SLC38A9: variants seen among roughly 807,000 people sequenced by gnomAD.
The protein encoded by SLC38A9 is neutral amino acid transporter 9.
SLC38A9 carries 48 observed loss-of-function variants against 62.3 expected under a neutral mutation model. The observed-to-expected ratio is 0.77, with a 90% CI of 0.61 to 0.98. The LOEUF (loss-of-function observed/expected upper bound fraction) is 0.98, where lower values mean the gene tolerates loss of function less well. Among genes scored for constraint, SLC38A9 ranks in the 50% least tolerant of loss-of-function variants. The probability of loss-of-function intolerance (pLI) is 0.00; values close to 1 mark genes in which losing one functional copy is unlikely to be tolerated. For missense variants in SLC38A9, 541 were observed against 679.8 expected (o/e 0.80, Z 2.27); for synonymous variants, 204 against 227.7 (o/e 0.90, Z 0.94).
At chr5:55,659,889 C>T (rs972413521) in intron 8 of SLC38A9, among the ~76,000 whole-genome samples, 9 of 151,718 alleles carry the variant, frequency 5.9e-5, no homozygotes, top group Non-Finnish European at 1.3e-4. Context: ...CGTCAGCCTC[C>T]CAAGTAGCTG....
At position 55,661,152 on chromosome 5, in the gene SLC38A9, C is replaced by T. The variant is rs568345812; in HGVS notation, c.697+3541G>A. On this transcript the variant is annotated intron_variant, in intron 8 of 15. Coordinates refer to ENST00000396865, the MANE Select transcript of SLC38A9 (RefSeq NM_173514.4). ...CATGCCAAAGTCATGAGTAGGAAGA[C>T]TCAGTATCTAGGCCGAGCGCAGTGG... Among the ~76,000 whole-genome samples, 6 of 152,100 alleles carry T rather than the reference C, an allele frequency of 3.9e-5. No homozygotes were observed. The South Asian group carries it at 1.0e-3, about 26-fold the overall frequency.
chr5:55,630,463 G>A (rs933378902), intron 14 of SLC38A9, among the ~76,000 whole-genome samples: 3 of 151,954 alleles, frequency 2.0e-5, no homozygotes, highest in African/African-American at 7.3e-5. Flanking sequence ...GATTACAAGC[G>A]CCTGCCACTA....
At chr5:55,647,625 C>G (rs1174063128) in intron 11 of SLC38A9, among the ~76,000 whole-genome samples, 1 of 152,164 alleles carries the variant, frequency 6.6e-6, no homozygotes, top group African/African-American at 2.4e-5. Context: ...TTAAGATACC[C>G]TGTAAAGCAA....
At chr5:55,669,962 T>C in intron 4 of SLC38A9, 83 bp from the exon 5 acceptor site, 1 of 1,316,870 alleles carries the variant, frequency 7.6e-7, no homozygotes, top group South Asian at 1.6e-5. Context: ...CACCTGACTC[T>C]AGACACCTTT....
intron 3 of SLC38A9, among the ~76,000 whole-genome samples, chr5:55,694,444 G>C (rs1361392049): frequency 6.6e-6 from 1 of 151,980 alleles, no homozygotes; most frequent in Non-Finnish European, 1.5e-5. Context: ...ATCTTTTCAG[G>C]AAATGTTACA....
At chr5:55,632,784 T>A (rs552342483) in intron 14 of SLC38A9, among the ~76,000 whole-genome samples, 327 of 152,104 alleles carry the variant, frequency 2.1e-3, no homozygotes, top group African/African-American at 7.4e-3. Flanking sequence ...CCAGAGAGGG[T>A]CCTGCCCCAG....
Position 55,635,608 on chromosome 5 carries a change from T to C in SLC38A9, c.1217A>G (p.Tyr406Cys). 1.9e-6 allele frequency: 3 copies of C among 1,613,882 alleles called. No individual in the cohort carries two copies. The highest frequency in any genetic ancestry group is 2.7e-5 in the African/African-American group (2 of 75,024). The stretch of plus-strand genomic sequence containing the variant: ...TGAAGCAAAAACCAGGACTCCAATA[T>C]AGAGATAAGTTAATGTCACCAGCAT... ...AYMLVTLTYL[Y>C]IGVLVFASFP... Residue 406 changes from tyrosine (Y) to cysteine (C), a missense_variant, in exon 13 of 16, where the codon TAT becomes TGT. By Grantham distance (194) the Tyr-to-Cys change is radical. Transcript: ENST00000396865.
chr5:55,669,811 A>G lies in SLC38A9; in HGVS notation c.315T>C (p.Tyr105=). ...CYVYSPLGSA[Y]KLQSYTEGYG... is the part of the protein sequence containing the mutation. ...ATCCTTCAGTGTAACTTTGAAGTTT[A>G]TAAGCAGAGCCCAATGGACTATACA... The change falls in exon 5 of 16, where the codon TAT becomes TAC. Residue 105 remains tyrosine (Y), a synonymous_variant. Transcript: ENST00000396865. 1.2e-6 allele frequency: 2 copies of G among 1,614,034 alleles called. No individual in the cohort carries two copies. The highest frequency in any genetic ancestry group is 2.7e-5 in the African/African-American group (2 of 75,052).
chr5:55,627,852 C>A, intron 15 of SLC38A9, 39 bp downstream of exon 15: 5 of 1,237,912 alleles, frequency 4.0e-6, no homozygotes, highest in South Asian at 4.0e-5. Context: ...AAATAAAGAC[C>A]AATATATGTA....
chr5:55,651,276 A>C (rs1203093411), intron 10 of SLC38A9, among the ~76,000 whole-genome samples: 3 of 102,484 alleles, frequency 2.9e-5, no homozygotes, highest in Non-Finnish European at 6.1e-5. Flanking sequence ...TTTAAGACAG[A>C]GTCTCATTCT....
Position 55,644,589 on chromosome 5 carries a change from T to A in SLC38A9, c.1167+1200A>T, listed in dbSNP as rs530763702. ...GGCGCCCAACACCATACCCGACTAA[T>A]TTTTGTATTTTTAGTAGAGACGGCG... is the stretch of plus-strand genomic sequence containing the variant. On this transcript the variant is annotated intron_variant, in intron 12 of 15. Transcript: ENST00000396865. Among the ~76,000 whole-genome samples, 6 of 152,016 alleles carry A rather than the reference T, an allele frequency of 3.9e-5. No individual in the cohort carries two copies. The East Asian group carries it at 9.7e-4, about 25-fold the overall frequency.
At chr5:55,667,375 C>G (rs1750651563) in intron 7 of SLC38A9, among the ~76,000 whole-genome samples, 1 of 152,092 alleles carries the variant, frequency 6.6e-6, no homozygotes, top group African/African-American at 2.4e-5. Flanking sequence ...ATAGACTTTG[C>G]TATTTTTAAG....
intron 4 of SLC38A9, among the ~76,000 whole-genome samples, chr5:55,672,269 G>T (rs1751452701): frequency 6.6e-6 from 1 of 152,186 alleles, no homozygotes; most frequent in Admixed American, 6.5e-5. Context: ...GGCCTAACTT[G>T]CCATTTCAAA....
At chr5:55,636,087 T>C (rs955753277) in intron 12 of SLC38A9, among the ~76,000 whole-genome samples, 4 of 152,184 alleles carry the variant, frequency 2.6e-5, no homozygotes, top group African/African-American at 9.7e-5. Flanking sequence ...TTTGGTAAAT[T>C]AACTTATATT....
At chr5:55,653,380 C>A (rs1377511208) in intron 9 of SLC38A9, among the ~76,000 whole-genome samples, 2 of 152,128 alleles carry the variant, frequency 1.3e-5, no homozygotes, top group East Asian at 3.8e-4. Flanking sequence ...GTCTTATTTA[C>A]ACAATAATAT....
At chr5:55,678,664 T>TTG in intron 3 of SLC38A9, among the ~76,000 whole-genome samples, 1 of 139,778 alleles carries the variant, frequency 7.2e-6, no homozygotes, top group South Asian at 2.4e-4. Flanking sequence ...TTTTTTTTTT[T>TTG]TTTTTTTTTT....
At chr5:55,697,215 GGGAGGT>G (rs1756000487) in intron 3 of SLC38A9, 1 of 153,976 alleles carries the variant, frequency 6.5e-6, no homozygotes, top group African/African-American at 2.4e-5. Context: ...GCAGGCGGCT[GGGAGGT>G]GGAGGTTGTA....
intron 3 of SLC38A9, among the ~76,000 whole-genome samples, chr5:55,694,752 C>T (rs1339438435): frequency 2.1e-5 from 3 of 145,180 alleles, no homozygotes; most frequent in African/African-American, 7.6e-5. Flanking sequence ...CTCTCCTCTC[C>T]TCTCCTTTCC....
intron 8 of SLC38A9, among the ~76,000 whole-genome samples, chr5:55,661,300 C>T (rs1749482853): frequency 1.3e-5 from 2 of 151,870 alleles, no homozygotes. Context: ...AAAACATTAG[C>T]CAGGCATGGT....
Sources: allele counts gnomAD v4.1 joint callset (sites outside exome capture counted in the v4.1 genomes callset), GRCh38; gene constraint gnomAD v4.1.1; transcripts MANE v1.5; gene names NCBI Gene and HGNC (gene_info 2026-07-23, HGNC 2026-07-21).